KHDRBS2: variants seen among roughly 807,000 people sequenced by gnomAD.
KHDRBS2 encodes the protein KH domain-containing, RNA-binding, signal transduction-associated protein 2.
KHDRBS2 carries 26 observed loss-of-function variants against 44.3 expected under a neutral mutation model. The observed-to-expected ratio is 0.59, with a 90% CI of 0.43 to 0.81. The LOEUF is 0.81. KHDRBS2 is among the 40% of genes least tolerant of loss of function. The pLI is 0.00. For synonymous variants in KHDRBS2, 194 were observed against 151.1 expected, an observed-to-expected ratio of 1.28 and a Z score of -2.08; for missense variants, 476 against 433.1, an observed-to-expected ratio of 1.10 and a Z score of -0.88.
At chr6:61,826,637 T>C (rs1164863042) in intron 6 of KHDRBS2, among the ~76,000 whole-genome samples, 1 of 152,066 alleles carries the variant, frequency 6.6e-6, no homozygotes, top group African/African-American at 2.4e-5. Context: ...CCCATACAGG[T>C]AGTATTCGTT....
intron 2 of KHDRBS2, among the ~76,000 whole-genome samples, chr6:62,066,422 C>A (rs1190185462): frequency 1.3e-5 from 2 of 151,614 alleles, no homozygotes; most frequent in Non-Finnish European, 3.0e-5. Flanking sequence ...ATCTTAATGA[C>A]AACTGCACTC....
chr6:62,067,280 C>A (rs116069742), intron 2 of KHDRBS2, among the ~76,000 whole-genome samples: 1 of 151,476 alleles, frequency 6.6e-6, no homozygotes, highest in Admixed American at 6.6e-5. Flanking sequence ...ACCCACTTAG[C>A]GGTATTAGAA....
the KHDRBS2 span, among the ~76,000 whole-genome samples, chr6:61,594,961 T>G: frequency 6.6e-6 from 1 of 152,046 alleles, no homozygotes; most frequent in African/African-American, 2.4e-5. Context: ...AGCAAAAATC[T>G]TCACCAAGAG....
chr6:62,170,500 G>T (rs924368581), intron 2 of KHDRBS2, among the ~76,000 whole-genome samples: 2 of 152,104 alleles, frequency 1.3e-5, no homozygotes, highest in South Asian at 2.1e-4. Flanking sequence ...GAAGAACCAC[G>T]CAGGACAGTA....
At chr6:61,985,958 T>C (rs1327100531) in intron 3 of KHDRBS2, among the ~76,000 whole-genome samples, 1 of 152,214 alleles carries the variant, frequency 6.6e-6, no homozygotes, top group Non-Finnish European at 1.5e-5. Flanking sequence ...ATATGTAATT[T>C]AATGTTTATA....
At chr6:61,917,321 T>C (rs1411470378) in intron 4 of KHDRBS2, among the ~76,000 whole-genome samples, 1 of 151,940 alleles carries the variant, frequency 6.6e-6, no homozygotes. Flanking sequence ...CTTAAATGTA[T>C]ATTTAAAGCT....
At chr6:62,118,056 G>A (rs548259621) in intron 2 of KHDRBS2, among the ~76,000 whole-genome samples, 17 of 152,246 alleles carry the variant, frequency 1.1e-4, no homozygotes, top group South Asian at 6.2e-4. Flanking sequence ...GATTACAGGC[G>A]TGAGCCACCG....
intron 1 of KHDRBS2, among the ~76,000 whole-genome samples, chr6:62,252,292 C>T (rs1208490890): frequency 6.6e-6 from 1 of 151,888 alleles, no homozygotes; most frequent in East Asian, 1.9e-4. Flanking sequence ...TATCAACATG[C>T]CAGCCAGCAT....
the KHDRBS2 span, among the ~76,000 whole-genome samples, chr6:61,581,665 A>G: frequency 1.3e-5 from 2 of 149,308 alleles, no homozygotes; most frequent in East Asian, 1.9e-4. Flanking sequence ...TAAGACAACT[A>G]TAGTATTATA....
intron 8 of KHDRBS2, among the ~76,000 whole-genome samples, chr6:61,684,953 TA>T (rs1766662135): frequency 6.6e-6 from 1 of 151,654 alleles, no homozygotes; most frequent in Non-Finnish European, 1.5e-5. Flanking sequence ...ACACATTTTT[TA>T]TTTATTGAAG....
intron 1 of KHDRBS2, among the ~76,000 whole-genome samples, chr6:62,242,576 TTTATTGAA>T (rs1409804427): frequency 1.3e-5 from 2 of 152,054 alleles, no homozygotes; most frequent in African/African-American, 4.8e-5. Context: ...ATGAACGGTA[TTTATTGAA>T]TTTAAAAAGG....
chr6:61,782,997 G>A (rs766155870), intron 6 of KHDRBS2, among the ~76,000 whole-genome samples: 1 of 151,624 alleles, frequency 6.6e-6, no homozygotes, highest in Non-Finnish European at 1.5e-5. Context: ...TACATGGCCC[G>A]GTCCATAGTT....
chr6:62,030,835 T>C (rs1373353531), intron 3 of KHDRBS2, among the ~76,000 whole-genome samples: 1 of 152,094 alleles, frequency 6.6e-6, no homozygotes, highest in Non-Finnish European at 1.5e-5. Context: ...AAGACATATA[T>C]AAATCGTCAT....
At chr6:61,887,442 A>G (rs924500217) in intron 6 of KHDRBS2, among the ~76,000 whole-genome samples, 1 of 152,312 alleles carries the variant, frequency 6.6e-6, no homozygotes, top group African/African-American at 2.4e-5. Context: ...AGGTCAATGA[A>G]AAAAAGCTTT....
At chr6:61,622,464 G>A in the KHDRBS2 span, among the ~76,000 whole-genome samples, 1 of 152,192 alleles carries the variant, frequency 6.6e-6, no homozygotes, top group African/African-American at 2.4e-5. Context: ...AGATTCAAGA[G>A]AGTGCCGATA....
intron 2 of KHDRBS2, among the ~76,000 whole-genome samples, chr6:62,080,979 C>T (rs896218912): frequency 6.6e-6 from 1 of 152,138 alleles, no homozygotes; most frequent in Non-Finnish European, 1.5e-5. Context: ...AGGCTCCCCA[C>T]TGTTACTATC....
At chr6:62,125,932 C>T (rs1413027868) in intron 2 of KHDRBS2, among the ~76,000 whole-genome samples, 2 of 151,986 alleles carry the variant, frequency 1.3e-5, no homozygotes, top group Non-Finnish European at 2.9e-5. Flanking sequence ...GTGGTGGCTA[C>T]AGAGAGGGAT....
At chr6:61,590,990 C>T in the KHDRBS2 span, among the ~76,000 whole-genome samples, 1 of 152,126 alleles carries the variant, frequency 6.6e-6, no homozygotes, top group African/African-American at 2.4e-5. Flanking sequence ...GAAATTGCCA[C>T]CATACAGAGT....
intron 2 of KHDRBS2, among the ~76,000 whole-genome samples, chr6:62,171,460 AC>A (rs1345719922): frequency 6.6e-6 from 1 of 152,100 alleles, no homozygotes; most frequent in East Asian, 1.9e-4. Flanking sequence ...ACTACAACTC[AC>A]TGGCATCCCT....
Sources: allele counts gnomAD v4.1 joint callset (sites outside exome capture counted in the v4.1 genomes callset), GRCh38; gene constraint gnomAD v4.1.1; transcripts MANE v1.5; gene names NCBI Gene and HGNC (gene_info 2026-07-23, HGNC 2026-07-21).